The following TRPM3 variants were observed in gnomAD, a reference collection of about 807,000 sequenced individuals.
TRPM3 encodes the protein transient receptor potential cation channel subfamily M member 3, also known as long transient receptor potential channel 3.
TRPM3 carries 77 observed loss-of-function variants against 181.2 expected under a neutral mutation model. The observed-to-expected ratio is 0.42, with a 90% CI of 0.35 to 0.51. TRPM3 has a LOEUF of 0.51. TRPM3 is among the 20% of genes least tolerant of loss of function. TRPM3 has a pLI of 0.01. For missense variants in TRPM3, 1,759 were observed against 2,196.7 expected, an observed-to-expected ratio of 0.80 and a Z score of 3.98; for synonymous variants, 745 against 796.4, an observed-to-expected ratio of 0.94 and a Z score of 1.09.
At chr9:71,432,076 C>A (rs917030904) in intron 1 of TRPM3, among the ~76,000 whole-genome samples, 1 of 152,174 alleles carries the variant, frequency 6.6e-6, no homozygotes, top group Non-Finnish European at 1.5e-5. Context: ...CAGGAAGAAG[C>A]AATAACATCC....
chr9:71,330,666 T>A (rs2090043760), intron 1 of TRPM3, among the ~76,000 whole-genome samples: 1 of 151,790 alleles, frequency 6.6e-6, no homozygotes, highest in Admixed American at 6.6e-5. Flanking sequence ...ACTTAGCATT[T>A]AATATACCCA....
chr9:70,793,542 T>C (rs185328915), intron 6 of TRPM3: 5 of 462,176 alleles, frequency 1.1e-5, no homozygotes, highest in Non-Finnish European at 1.8e-5. Context: ...CATACATACA[T>C]ATATACATAC....
chr9:71,152,898 A>G (rs1345711485), intron 1 of TRPM3, among the ~76,000 whole-genome samples: 1 of 152,176 alleles, frequency 6.6e-6, no homozygotes, highest in East Asian at 1.9e-4. Flanking sequence ...GGATAAAACA[A>G]CAGTGGCCTT....
chr9:70,694,647 A>C (rs974247310), intron 8 of TRPM3, among the ~76,000 whole-genome samples: 1 of 151,892 alleles, frequency 6.6e-6, no homozygotes. Flanking sequence ...CGCCCGGCTA[A>C]TTTTTTGTAT....
intron 1 of TRPM3, among the ~76,000 whole-genome samples, chr9:71,389,605 GATAA>G (rs758358288): frequency 2.0e-5 from 3 of 152,082 alleles, no homozygotes; most frequent in Non-Finnish European, 2.9e-5. Context: ...TCAACAAGTG[GATAA>G]ATAAACTGTG....
At chr9:71,443,735 A>T (rs1263647383) in intron 1 of TRPM3, among the ~76,000 whole-genome samples, 2 of 152,146 alleles carry the variant, frequency 1.3e-5, no homozygotes, top group East Asian at 3.9e-4. Flanking sequence ...AAGTCAAGTC[A>T]AGCCGACCTC....
intron 1 of TRPM3, among the ~76,000 whole-genome samples, chr9:71,077,446 C>T (rs1419909184): frequency 1.3e-5 from 2 of 152,204 alleles, no homozygotes; most frequent in Non-Finnish European, 2.9e-5. Flanking sequence ...CAGGTCATCT[C>T]TTTCTCACAT....
At chr9:71,316,956 A>G (rs2088658619) in intron 1 of TRPM3, among the ~76,000 whole-genome samples, 1 of 152,196 alleles carries the variant, frequency 6.6e-6, no homozygotes, top group South Asian at 2.1e-4. Context: ...ATTCTTTTCT[A>G]GTAAGAAAAT....
intron 1 of TRPM3, among the ~76,000 whole-genome samples, chr9:71,244,291 A>G (rs987344928): frequency 6.6e-6 from 1 of 152,120 alleles, no homozygotes; most frequent in African/African-American, 2.4e-5. Flanking sequence ...TGGGGTCGGG[A>G]GCTGGGGTCC....
At chr9:71,418,827 A>AGT (rs1554895518) in intron 1 of TRPM3, among the ~76,000 whole-genome samples, 12 of 47,924 alleles carry the variant, frequency 2.5e-4, no homozygotes, top group Non-Finnish European at 5.6e-4. Flanking sequence ...ATATATATAT[A>AGT]TCCTTTGAGA....
chr9:71,362,288 A>G (rs2092181528), intron 1 of TRPM3, among the ~76,000 whole-genome samples: 1 of 152,172 alleles, frequency 6.6e-6, no homozygotes, highest in South Asian at 2.1e-4. Flanking sequence ...CTGGGAGGAG[A>G]TGCACCTATA....
intron 1 of TRPM3, among the ~76,000 whole-genome samples, chr9:71,135,797 G>C (rs545235173): frequency 1.3e-5 from 2 of 152,216 alleles, no homozygotes; most frequent in East Asian, 3.9e-4. Context: ...AAAACCCCCA[G>C]CAAATTACAG....
chr9:71,180,854 G>C (rs752171016), intron 1 of TRPM3, among the ~76,000 whole-genome samples: 2 of 151,996 alleles, frequency 1.3e-5, no homozygotes, highest in African/African-American at 2.4e-5. Context: ...TTGAAGAGAG[G>C]CTCCTCACCT....
chr9:71,010,696 G>C (rs372628061), intron 1 of TRPM3, among the ~76,000 whole-genome samples: 170 of 152,168 alleles, frequency 1.1e-3, no homozygotes, highest in African/African-American at 3.2e-3. Context: ...AATTAGTACA[G>C]TCATATGGAA....
At chr9:70,684,517 A>C (rs187146763) in intron 8 of TRPM3, among the ~76,000 whole-genome samples, 2 of 152,202 alleles carry the variant, frequency 1.3e-5, no homozygotes, top group African/African-American at 4.8e-5. Flanking sequence ...TTATGTATTC[A>C]TCACCACTCC....
chr9:70,918,911 T>C (rs535797305), intron 1 of TRPM3, among the ~76,000 whole-genome samples: 18 of 152,236 alleles, frequency 1.2e-4, no homozygotes, highest in African/African-American at 2.2e-4. Flanking sequence ...AATCATTTTT[T>C]CTCTTGGTGG....
chr9:70,795,355 G>C (rs766697506), intron 6 of TRPM3, among the ~76,000 whole-genome samples: 1 of 152,126 alleles, frequency 6.6e-6, no homozygotes, highest in Non-Finnish European at 1.5e-5. Flanking sequence ...ATATAAAGAT[G>C]CTTATTTATA....
chr9:71,321,819 C>T (rs530067575), intron 1 of TRPM3, among the ~76,000 whole-genome samples: 6 of 152,094 alleles, frequency 3.9e-5, no homozygotes, highest in African/African-American at 7.2e-5. Context: ...ATTAATTTGG[C>T]GGGCAATTTT....
At chr9:71,331,115 G>A (rs886198219) in intron 1 of TRPM3, among the ~76,000 whole-genome samples, 1 of 151,852 alleles carries the variant, frequency 6.6e-6, no homozygotes, top group African/African-American at 2.4e-5. Context: ...AAGAATATTA[G>A]TAAATTATTG....
Sources: allele counts gnomAD v4.1 joint callset (sites outside exome capture counted in the v4.1 genomes callset), GRCh38; gene constraint gnomAD v4.1.1; transcripts MANE v1.5; gene names NCBI Gene and HGNC (gene_info 2026-07-23, HGNC 2026-07-21).